Variants in EYS observed in about 807,000 individuals in gnomAD.
EYS encodes the protein protein eyes shut homolog.
A neutral mutation model predicts 282.1 loss-of-function variants in EYS; 250 were observed. The ratio of observed to expected loss-of-function variants is 0.89; its 90% confidence interval spans 0.80 to 0.98. The LOEUF is 0.98. Among genes scored for constraint, EYS ranks in the 50% least tolerant of loss-of-function variants. EYS has a pLI of 0.00. For synonymous variants in EYS, 1,355 were observed against 1,282.9 expected (o/e 1.06, Z -1.20); for missense variants, 4,016 against 3,709.0 (o/e 1.08, Z -2.15).
intron 8 of EYS, among the ~76,000 whole-genome samples, chr6:65,375,776 T>G (rs1765340587): frequency 6.6e-6 from 1 of 151,680 alleles, no homozygotes; most frequent in Admixed American, 6.6e-5. Flanking sequence ...AGAAAGGATA[T>G]CAGAGATTGA....
At chr6:63,904,473 C>T (rs1399975838) in intron 35 of EYS, among the ~76,000 whole-genome samples, 1 of 152,202 alleles carries the variant, frequency 6.6e-6, no homozygotes, top group Non-Finnish European at 1.5e-5. Flanking sequence ...AGCATGCACA[C>T]TCAACCTGGG....
At chr6:64,145,701 A>G (rs1774491684) in intron 31 of EYS, among the ~76,000 whole-genome samples, 1 of 152,180 alleles carries the variant, frequency 6.6e-6, no homozygotes, top group Admixed American at 6.6e-5. Flanking sequence ...GATTTTAATA[A>G]TTGAGCGAAA....
At chr6:63,878,996 C>T (rs150663844) in intron 35 of EYS, among the ~76,000 whole-genome samples, 82 of 152,252 alleles carry the variant, frequency 5.4e-4, no homozygotes, top group Admixed American at 6.5e-4. Flanking sequence ...GAGATGAACC[C>T]GGTACTTCAG....
In EYS at chr6:65,405,279, A is replaced by C. The variant is rs993944802; in HGVS notation, c.951T>G (p.Thr317=). 6.2e-7 allele frequency: 1 copy of C among 1,613,222 alleles called. No homozygotes were observed. Among genetic ancestry groups the C allele is most frequent in the African/African-American group, 1.3e-5 (1 of 74,860 alleles). Residue 317 remains threonine (T), a synonymous_variant, in exon 6 of 43, where the codon ACT becomes ACG. Transcript: ENST00000503581. ...TGGAAGATCCTTTTGGGCATTCATA[A>C]GTATAAGCAGAACTGCTATTTGGGC... is the stretch of plus-strand genomic sequence containing the variant. ...GICPNSSSAY[T]YECPKGSSSQ...
chr6:64,825,967 C>T (rs771619721), intron 19 of EYS, among the ~76,000 whole-genome samples: 18 of 151,618 alleles, frequency 1.2e-4, no homozygotes, highest in Admixed American at 1.1e-3. Flanking sequence ...GATTGTTTAT[C>T]TTCATAGGAT....
chr6:65,274,283 G>A (rs1364240718), intron 12 of EYS, among the ~76,000 whole-genome samples: 5 of 152,160 alleles, frequency 3.3e-5, no homozygotes, highest in African/African-American at 7.2e-5. Flanking sequence ...CTATCATGAA[G>A]AATTGAAAAA....
At chr6:63,731,808 C>T (rs562965627) in intron 41 of EYS, among the ~76,000 whole-genome samples, 2 of 152,102 alleles carry the variant, frequency 1.3e-5, no homozygotes, top group Non-Finnish European at 2.9e-5. Context: ...ACACTTTTAG[C>T]ATCTTACAAG....
intron 31 of EYS, among the ~76,000 whole-genome samples, chr6:64,212,503 T>A (rs1765809193): frequency 6.6e-6 from 1 of 151,866 alleles, no homozygotes; most frequent in Admixed American, 6.6e-5. Flanking sequence ...CTCATACATA[T>A]ATGATTTGGC....
chr6:64,307,161 T>G (rs960611678), intron 29 of EYS, 79 bp from the exon 30 acceptor site: 1 of 750,206 alleles, frequency 1.3e-6, no homozygotes, highest in African/African-American at 1.8e-5. Context: ...TTCAAACTGG[T>G]CAGGGTATGC....
chr6:63,995,355 T>G (rs1767787292), intron 34 of EYS, among the ~76,000 whole-genome samples: 1 of 151,896 alleles, frequency 6.6e-6, no homozygotes, highest in African/African-American at 2.4e-5. Flanking sequence ...CAATGAGATA[T>G]CACTTTATAA....
intron 31 of EYS, among the ~76,000 whole-genome samples, chr6:64,130,760 G>A (rs1342370929): frequency 2.0e-5 from 3 of 152,148 alleles, no homozygotes; most frequent in East Asian, 1.9e-4. Flanking sequence ...TGGCATATTA[G>A]AGAAACTGAA....
At chr6:64,377,319 A>G (rs1428312968) in intron 29 of EYS, among the ~76,000 whole-genome samples, 1 of 152,206 alleles carries the variant, frequency 6.6e-6, no homozygotes, top group Non-Finnish European at 1.5e-5. Flanking sequence ...AATGCTTTTA[A>G]AACTTTGTTT....
chr6:64,546,550 C>G (rs543474101), intron 26 of EYS, among the ~76,000 whole-genome samples: 1 of 151,902 alleles, frequency 6.6e-6, no homozygotes, highest in Non-Finnish European at 1.5e-5. Context: ...GAGCTTCTGC[C>G]CAGCAAAAGA....
chr6:65,663,040 C>G (rs552191280), intron 1 of EYS, among the ~76,000 whole-genome samples: 10 of 152,036 alleles, frequency 6.6e-5, no homozygotes, highest in African/African-American at 2.4e-4. Context: ...GAAAATAATA[C>G]TTTGAAACTA....
At chr6:65,089,881 G>T (rs1458329414) in intron 12 of EYS, among the ~76,000 whole-genome samples, 9 of 150,920 alleles carry the variant, frequency 6.0e-5, no homozygotes, top group Non-Finnish European at 1.3e-4. Flanking sequence ...GCTTGAATCT[G>T]GGATGCAGAG....
At chr6:64,594,094 C>T (rs1371190878) in intron 24 of EYS, among the ~76,000 whole-genome samples, 1 of 152,120 alleles carries the variant, frequency 6.6e-6, no homozygotes, top group African/African-American at 2.4e-5. Context: ...TTAAATATTA[C>T]ATCTAATTTG....
At chr6:64,329,968 C>A (rs968996580) in intron 29 of EYS, among the ~76,000 whole-genome samples, 2 of 152,138 alleles carry the variant, frequency 1.3e-5, no homozygotes, top group Admixed American at 1.3e-4. Flanking sequence ...TGGGGCTTAT[C>A]ACAGTATACT....
At chr6:65,362,440 A>T (rs1764745696) in intron 8 of EYS, among the ~76,000 whole-genome samples, 1 of 152,062 alleles carries the variant, frequency 6.6e-6, no homozygotes. Flanking sequence ...TTTGGGAGTA[A>T]AGTAAAATTG....
intron 33 of EYS, among the ~76,000 whole-genome samples, chr6:64,043,284 C>G (rs1467339445): frequency 6.6e-6 from 1 of 152,060 alleles, no homozygotes; most frequent in African/African-American, 2.4e-5. Context: ...CCTTCATGTA[C>G]AATATGAAAT....
Sources: allele counts gnomAD v4.1 joint callset (sites outside exome capture counted in the v4.1 genomes callset), GRCh38; gene constraint gnomAD v4.1.1; transcripts MANE v1.5; gene names NCBI Gene and HGNC (gene_info 2026-07-23, HGNC 2026-07-21).